BAD: variants seen among roughly 807,000 people sequenced by gnomAD.
BAD encodes the protein BCL2 associated agonist of cell death, also known as bcl2-associated agonist of cell death.
Under a neutral mutation model 17.8 loss-of-function variants are expected in BAD, and 18 were observed. The observed-to-expected ratio is 1.01, with a 90% CI of 0.70 to 1.50. The LOEUF (loss-of-function observed/expected upper bound fraction) is 1.50, where lower values mean the gene tolerates loss of function less well. Ranked by LOEUF, BAD falls within the 40% of genes most tolerant of loss-of-function variation. BAD has a pLI of 0.00. For missense variants in BAD, 294 were observed against 239.3 expected (o/e 1.23, Z -1.51); for synonymous variants, 112 against 91.5 (o/e 1.22, Z -1.28).
chr11:64,284,676 T>A (rs1565353968), upstream of BAD: 1 of 1,535,368 alleles, frequency 6.5e-7, no homozygotes, highest in African/African-American at 1.4e-5. Flanking sequence ...GCCGCCTCCC[T>A]CCAGCACCCC....
Position 64,271,689 on chromosome 11 carries a change from G to T in BAD, c.302C>A (p.Pro101His). The T allele has an allele frequency of 6.8e-7, 1 of 1,473,236 alleles. No individual in the cohort carries two copies. Among genetic ancestry groups the T allele is most frequent in the Non-Finnish European group, 9.0e-7 (1 of 1,113,984 alleles). The allele number at this position is 1,473,236 out of a possible 1,614,324, so 91.3% of individuals were successfully genotyped here. The change falls in exon 3 of 4, where the codon CCC (proline) becomes CAC (histidine). Residue 101 changes from proline to histidine, a missense_variant. Physicochemically the swap from Pro to His is moderately conservative, Grantham distance 77. Transcript: ENST00000309032. Reference sequence around the variant, plus strand: ...GCGCTGTGCTGCCCAGAGGTTGGGGGGCGCCGAGCGCGAGCGGCCCCGAAA... The same window carrying T: ...GCGCTGTGCTGCCCAGAGGTTGGGGTGCGCCGAGCGCGAGCGGCCCCGAAA... ...SPFRGRSRSA[P>H]PNLWAAQRYG...
At position 64,270,280 on chromosome 11, in the gene BAD, T is replaced by A. The variant is rs1308685285; in HGVS notation, c.436A>T (p.Ser146Cys). Residue 146 changes from serine to cysteine, a missense_variant, in exon 4 of 4, where the codon AGC (serine) becomes TGC (cysteine). By Grantham distance (112) the Ser-to-Cys change is moderately radical. Coordinates refer to ENST00000309032, the MANE Select transcript of BAD (RefSeq NM_032989.3). ...GTATQMRQSS[S>C]WTRVFQSWWD... is the part of the protein sequence containing the mutation. ...CAGGACTGGAAGACTCGCGTCCAGC[T>A]GGAGCTTTGCCGCATCTGCGTTGCT... 1.3e-6 allele frequency: 2 copies of A among 1,589,188 alleles called. No individual in the cohort carries two copies. The highest frequency in any genetic ancestry group is 2.7e-5 in the African/African-American group (2 of 74,388).
At chr11:64,279,548 C>T (rs1210160190) in intron 2 of BAD, among the ~76,000 whole-genome samples, 3 of 151,856 alleles carry the variant, frequency 2.0e-5, no homozygotes, top group African/African-American at 4.8e-5. Context: ...GGGTGGATCA[C>T]GAGGTCAGGA....
rs929495350 is a variant in BAD, at chr11:64,277,069, G to A, written c.188-5266C>T. ...CTGTTTTATAGATGAGGAAACAGAG[G>A]CACACTTAATTACAAGACACTTGCA... On this transcript the variant is annotated intron_variant, in intron 2 of 3. Transcript: ENST00000309032. 3 of 702,086 alleles carry A rather than the reference G, an allele frequency of 4.3e-6. No homozygotes were observed. The African/African-American group carries it at 5.3e-5, about 12-fold the overall frequency. 43.5% of individuals were successfully genotyped at this position (702,086 alleles called of 1,614,324 possible).
chr11:64,281,105 C>T (rs546750828), intron 2 of BAD, among the ~76,000 whole-genome samples: 1 of 151,358 alleles, frequency 6.6e-6, no homozygotes, highest in African/African-American at 2.4e-5. Flanking sequence ...GTAGCTGGGA[C>T]TACAGGCGCC....
At chr11:64,273,266 A>G (rs1227657070) in intron 2 of BAD, among the ~76,000 whole-genome samples, 1 of 152,090 alleles carries the variant, frequency 6.6e-6, no homozygotes, top group African/African-American at 2.4e-5. Context: ...CCAGCCACTC[A>G]GGAGGCTGAA....
intron 2 of BAD, among the ~76,000 whole-genome samples, chr11:64,279,589 AC>A (rs1378182475): frequency 3.0e-4 from 46 of 151,192 alleles, no homozygotes; most frequent in African/African-American, 1.1e-3. Context: ...ACATGGTGAA[AC>A]CCCCGTCTCC....
chr11:64,270,127 T>C lies in BAD; in HGVS notation c.*82A>G, dbSNP rs1244460426. ...CACGGATCCTCTTTTTGCATAGGCC[T>C]GAGGGAAGTACTTCCGCCCATATTC... On this transcript the variant is annotated 3_prime_UTR_variant, in exon 4 of 4. Coordinates refer to ENST00000309032, the MANE Select transcript of BAD (RefSeq NM_032989.3). 4 of 1,602,358 alleles carry C rather than the reference T, an allele frequency of 2.5e-6. No homozygotes were observed. Among genetic ancestry groups the C allele is most frequent in the South Asian group, 1.1e-5 (1 of 90,236 alleles).
chr11:64,283,367 G>A (rs2033613565), intron 2 of BAD, among the ~76,000 whole-genome samples: 1 of 152,214 alleles, frequency 6.6e-6, no homozygotes, highest in Admixed American at 6.5e-5. Context: ...TTTGTGTTCA[G>A]AAGATATCTG....
chr11:64,277,988 C>T (rs56057146), intron 2 of BAD, among the ~76,000 whole-genome samples: 33,483 of 152,006 alleles, frequency 0.22, 4,687 homozygotes, highest in Non-Finnish European at 0.32. Flanking sequence ...GGATTTTTGT[C>T]CATAACTTAA....
At chr11:64,284,449 AC>A in intron 1 of BAD, 73 bp from the exon 2 acceptor site, 1 of 1,600,756 alleles carries the variant, frequency 6.2e-7, no homozygotes, top group South Asian at 1.1e-5. Context: ...AGAGGCAGGT[AC>A]CCCTGGCTTC....
chr11:64,279,252 G>A (rs566840494), intron 2 of BAD, among the ~76,000 whole-genome samples: 1 of 152,186 alleles, frequency 6.6e-6, no homozygotes, highest in South Asian at 2.1e-4. Flanking sequence ...TGTGGATCAT[G>A]CCCCCGGGAC....
At chr11:64,284,145 G>A (rs779696083) in intron 2 of BAD, 37 bp downstream of exon 2, 3 of 1,534,490 alleles carry the variant, frequency 2.0e-6, no homozygotes, top group Non-Finnish European at 2.6e-6. Context: ...GGCTGGGGGT[G>A]AGGTGTCCCG....
chr11:64,284,199 C>A lies in BAD; in HGVS notation c.170G>T (p.Ser57Ile). The A allele has an allele frequency of 6.2e-7, 1 of 1,600,616 alleles. No individual in the cohort carries two copies. The highest frequency in any genetic ancestry group is 8.5e-7 in the Non-Finnish European group (1 of 1,173,204). ...DASHQQEQPT[S>I]SSHHGGAGAV... The stretch of plus-strand genomic sequence containing the variant: ...GTACTTACCTCCATGATGGCTGCTG[C>A]TGGTTGGCTGCTCCTGCTGGTGACT... Residue 57 changes from serine (S) to isoleucine (I), a missense_variant, in exon 2 of 4, where the codon AGC becomes ATC. Ser to Ile is a moderately radical substitution (Grantham distance 142, BLOSUM62 -2). Transcript: ENST00000309032.
intron 2 of BAD, among the ~76,000 whole-genome samples, chr11:64,279,729 C>A (rs1454116164): frequency 6.9e-6 from 1 of 144,648 alleles, no homozygotes; most frequent in Non-Finnish European, 1.5e-5. Flanking sequence ...TGCCACTGCA[C>A]TCCAGCCTGG....
chr11:64,276,954 C>T lies in BAD; in HGVS notation c.188-5151G>A, dbSNP rs572347455. 4.4e-5 allele frequency: 33 copies of T among 754,516 alleles called. No individual in the cohort carries two copies. The East Asian group carries it at 5.7e-4, about 13-fold the overall frequency. 46.7% of individuals were successfully genotyped at this position (754,516 alleles called of 1,614,324 possible). A position where few individuals can be genotyped will look rare whatever the true frequency, so the allele number is the denominator to read the frequency against. ...TGGGCTTCTGAGTCAGCGGCTGGGG[C>T]GGACATCCCTGCTGATGCTTCCGCG... On this transcript the variant is annotated intron_variant, in intron 2 of 3. Transcript: ENST00000309032.
At chr11:64,279,712 G>A (rs935395746) in intron 2 of BAD, among the ~76,000 whole-genome samples, 1 of 145,430 alleles carries the variant, frequency 6.9e-6, no homozygotes, top group Non-Finnish European at 1.5e-5. Context: ...GCAGTGAGCC[G>A]AGATCGTGCC....
intron 2 of BAD, among the ~76,000 whole-genome samples, chr11:64,281,021 G>A (rs985752124): frequency 2.0e-5 from 3 of 151,516 alleles, no homozygotes; most frequent in African/African-American, 7.3e-5. Context: ...AGGCTGGAGT[G>A]CAGTGGTGCA....
At chr11:64,272,560 T>G (rs2032717089) in intron 2 of BAD, among the ~76,000 whole-genome samples, 1 of 152,202 alleles carries the variant, frequency 6.6e-6, no homozygotes, top group African/African-American at 2.4e-5. Context: ...GAGCCTTCTC[T>G]GGAGACAGTG....
Sources: gnomAD v4.1 joint callset for allele counts (sites outside exome capture counted in the v4.1 genomes callset) on GRCh38, gnomAD v4.1.1 for gene constraint, MANE v1.5 for transcripts, NCBI Gene and HGNC (gene_info 2026-07-23, HGNC 2026-07-21) for gene names.